NBAS: variants seen among roughly 807,000 people sequenced by gnomAD.
The protein encoded by NBAS is NBAS subunit of NRZ tethering complex, also known as NAG/BC035112 fusion.
NBAS carries 219 observed loss-of-function variants against 302.5 expected under a neutral mutation model. The ratio of observed to expected loss-of-function variants is 0.72; its 90% CI spans 0.65 to 0.81. NBAS has a LOEUF of 0.81. Ranked by LOEUF, NBAS falls within the 30% of genes least tolerant of loss-of-function variation. The pLI, the probability that NBAS is intolerant of heterozygous loss-of-function variation, is 0.00. For missense variants in NBAS, 2,932 were observed against 2,841.6 expected, an observed-to-expected ratio of 1.03 and a Z score of -0.72; for synonymous variants, 1,118 against 1,021.6, an observed-to-expected ratio of 1.09 and a Z score of -1.80.
chr2:15,309,358 G>C (rs1323153611), intron 38 of NBAS, 111 bp from the exon 39 acceptor site: 11 of 843,534 alleles, frequency 1.3e-5, no homozygotes, highest in Non-Finnish European at 2.1e-5. Flanking sequence ...TAGTGGCAGA[G>C]ACCTTTTAGG....
chr2:15,543,201 T>C (rs1663935566), intron 6 of NBAS, among the ~76,000 whole-genome samples: 1 of 152,236 alleles, frequency 6.6e-6, no homozygotes, highest in Admixed American at 6.5e-5. Context: ...TCATCAGCTG[T>C]AGCTCCTCAA....
the NBAS span, among the ~76,000 whole-genome samples, chr2:14,808,777 T>G: frequency 6.6e-6 from 1 of 152,202 alleles, no homozygotes; most frequent in Non-Finnish European, 1.5e-5. Context: ...TTTAGAGGGC[T>G]CAGATGACAG....
chr2:15,330,477 T>C (rs2148232438), intron 36 of NBAS, 121 bp downstream of exon 36: 1 of 1,325,774 alleles, frequency 7.5e-7, no homozygotes. Context: ...CTACATTTCT[T>C]AAGAGATTGT....
rs780357564 is a variant in NBAS at position 15,330,633 on chromosome 2, A to G, written c.4312T>C (p.Trp1438Arg). ...VLQAVSDGQW[W>R]KKSLTYLRPL... ...CGAAGGTAAGTTAAAGACTTCTTCCACCACTGCCCATCACTGACGGCCTGC... is the reference window on the plus strand; with the variant it reads ...CGAAGGTAAGTTAAAGACTTCTTCCGCCACTGCCCATCACTGACGGCCTGC... The change falls in exon 36 of 52, where the codon TGG becomes CGG. Residue 1438 changes from tryptophan (W) to arginine (R), a missense_variant. Physicochemically the swap from Trp to Arg is moderately radical, Grantham distance 101 (BLOSUM62 -3). Transcript: ENST00000281513. 1.2e-6 allele frequency: 2 copies of G among 1,614,020 alleles called. No individual in the cohort carries two copies. The highest frequency in any genetic ancestry group is 1.3e-5 in the African/African-American group (1 of 75,048).
At chr2:15,461,835 T>A in intron 19 of NBAS, 44 bp from the exon 20 acceptor site, 1 of 1,067,034 alleles carries the variant, frequency 9.4e-7, no homozygotes, top group South Asian at 1.3e-5. Flanking sequence ...AAAAGGCTTT[T>A]AAATATGGGT....
At chr2:15,103,031 A>AAGGAAGGAAG in the NBAS span, among the ~76,000 whole-genome samples, 1 of 31,100 alleles carries the variant, frequency 3.2e-5, no homozygotes, top group South Asian at 1.2e-3. Context: ...AAGGAAGGAA[A>AAGGAAGGAAG]GAGGGTCGGA....
intron 38 of NBAS, among the ~76,000 whole-genome samples, chr2:15,324,967 C>T (rs1484826643): frequency 2.0e-5 from 3 of 152,084 alleles, no homozygotes; most frequent in Admixed American, 2.0e-4. Context: ...AAATATGCAC[C>T]TCTCAAGGGC....
chr2:15,258,840 T>G (rs10929355), intron 44 of NBAS, among the ~76,000 whole-genome samples: 86,030 of 151,994 alleles, frequency 0.57, 25,980 homozygotes, highest in East Asian at 0.85. Flanking sequence ...TTGAAGCATG[T>G]GATCTTTGTG....
chr2:15,188,572 T>C (rs1665194157), intron 49 of NBAS, among the ~76,000 whole-genome samples: 1 of 152,230 alleles, frequency 6.6e-6, no homozygotes, highest in African/African-American at 2.4e-5. Context: ...TTTGTTCTGA[T>C]TCTAATGATT....
chr2:15,343,061 C>T (rs910282282), intron 35 of NBAS, among the ~76,000 whole-genome samples: 1 of 151,934 alleles, frequency 6.6e-6, no homozygotes, highest in Non-Finnish European at 1.5e-5. Flanking sequence ...CTATCAGGTT[C>T]TCCTTTCCAG....
At chr2:15,185,575 C>T (rs1232680888) in intron 50 of NBAS, among the ~76,000 whole-genome samples, 1 of 152,100 alleles carries the variant, frequency 6.6e-6, no homozygotes, top group Non-Finnish European at 1.5e-5. Context: ...CCATGGTTCC[C>T]CCTCTCCAGG....
chr2:15,378,030 A>G (rs1387879448), intron 30 of NBAS, among the ~76,000 whole-genome samples: 2 of 152,194 alleles, frequency 1.3e-5, no homozygotes, highest in Non-Finnish European at 2.9e-5. Flanking sequence ...GAAAAATCAG[A>G]CACAGTAAGA....
the NBAS span, among the ~76,000 whole-genome samples, chr2:15,018,000 A>G: frequency 1.3e-5 from 2 of 152,102 alleles, no homozygotes; most frequent in Non-Finnish European, 2.9e-5. Context: ...ACATGGATGG[A>G]ACTGGAGGAC....
chr2:15,526,361 T>C (rs1475652522), intron 9 of NBAS, among the ~76,000 whole-genome samples: 1 of 152,188 alleles, frequency 6.6e-6, no homozygotes, highest in Non-Finnish European at 1.5e-5. Flanking sequence ...GTTTCTCTTC[T>C]TCAACAATAC....
chr2:14,998,289 C>G, the NBAS span, among the ~76,000 whole-genome samples: 24 of 152,126 alleles, frequency 1.6e-4, no homozygotes, highest in African/African-American at 5.1e-4. Flanking sequence ...AGAGATGTGC[C>G]CACATTTTCA....
At chr2:14,860,780 T>A in the NBAS span, among the ~76,000 whole-genome samples, 2 of 152,136 alleles carry the variant, frequency 1.3e-5, no homozygotes, top group Admixed American at 1.3e-4. Context: ...GATAGATCAA[T>A]AGGGTGAGTA....
At position 15,468,526 on chromosome 2, in the gene NBAS, A is replaced by G. The variant is rs2148574542; in HGVS notation, c.1733T>C (p.Ile578Thr). 6.2e-7 allele frequency: 1 copy of G among 1,613,914 alleles called. No individual in the cohort carries two copies. The highest frequency in any genetic ancestry group is 8.5e-7 in the Non-Finnish European group (1 of 1,179,862). The change falls in exon 17 of 52, where the codon ATA becomes ACA. Residue 578 changes from isoleucine (I) to threonine (T), a missense_variant. Ile to Thr is a moderately conservative substitution (Grantham distance 89, BLOSUM62 -1). Coordinates refer to ENST00000281513, the MANE Select transcript of NBAS (RefSeq NM_015909.4). Reference protein sequence around the residue: ...VASIQNYLSKIKKRSWVLHEC... With the variant: ...VASIQNYLSKTKKRSWVLHEC... ...ATGGAGAACCCAGGATCGCTTCTTT[A>G]TTTTACTCTGCATATAAAGGAAGAA...
the NBAS span, among the ~76,000 whole-genome samples, chr2:14,987,067 G>C: frequency 6.6e-6 from 1 of 151,906 alleles, no homozygotes; most frequent in South Asian, 2.1e-4. Context: ...CATGATTTCA[G>C]GTCATCAGTT....
At chr2:15,019,009 C>T in the NBAS span, among the ~76,000 whole-genome samples, 2 of 152,150 alleles carry the variant, frequency 1.3e-5, no homozygotes, top group Non-Finnish European at 2.9e-5. Context: ...TAAGAGAATG[C>T]ACTTTTTGCA....
Sources: gnomAD v4.1 joint callset for allele counts (sites outside exome capture counted in the v4.1 genomes callset) on GRCh38, gnomAD v4.1.1 for gene constraint, MANE v1.5 for transcripts, NCBI Gene and HGNC (gene_info 2026-07-23, HGNC 2026-07-21) for gene names.